WWOX: variants seen among roughly 807,000 people sequenced by gnomAD.
WWOX encodes WW domain-containing oxidoreductase.
WWOX carries 69 observed loss-of-function variants against 46.2 expected under a neutral mutation model. That is an observed-to-expected ratio of 1.49 (90% CI 1.23 to 1.82). The LOEUF is 1.82. Among genes scored for constraint, WWOX ranks in the 40% most tolerant of loss-of-function variants. The pLI, the probability that WWOX is intolerant of heterozygous loss-of-function variation, is 0.00. For missense variants in WWOX, 919 were observed against 542.6 expected, an observed-to-expected ratio of 1.69 and a Z score of -6.89; for synonymous variants, 359 against 202.6, an observed-to-expected ratio of 1.77 and a Z score of -6.56.
intron 6 of WWOX, among the ~76,000 whole-genome samples, chr16:78,411,431 A>C (rs945825195): frequency 1.3e-5 from 2 of 152,100 alleles, no homozygotes; most frequent in African/African-American, 4.8e-5. Context: ...AACAATTAGG[A>C]ATTTGACAGA....
intron 8 of WWOX, among the ~76,000 whole-genome samples, chr16:78,570,335 A>G (rs2044683652): frequency 6.6e-6 from 1 of 151,970 alleles, no homozygotes; most frequent in Non-Finnish European, 1.5e-5. Context: ...GCAACAATTT[A>G]TTTTTCTTTG....
chr16:78,393,825 A>G (rs1038875130), intron 6 of WWOX, among the ~76,000 whole-genome samples: 1 of 152,056 alleles, frequency 6.6e-6, no homozygotes, highest in Non-Finnish European at 1.5e-5. Flanking sequence ...TTAGAAGATA[A>G]TATAGAACAG....
intron 8 of WWOX, among the ~76,000 whole-genome samples, chr16:78,548,633 G>C (rs1292282691): frequency 6.6e-6 from 1 of 152,166 alleles, no homozygotes; most frequent in African/African-American, 2.4e-5. Context: ...AAATGATTTT[G>C]CCTTTCATGC....
chr16:78,588,850 G>T (rs774521829), intron 8 of WWOX, among the ~76,000 whole-genome samples: 70 of 152,186 alleles, frequency 4.6e-4, no homozygotes, highest in Non-Finnish European at 7.5e-4. Context: ...CAGGGTGGTG[G>T]TAGTGGTGAT....
intron 5 of WWOX, among the ~76,000 whole-genome samples, chr16:78,246,708 C>T (rs546920611): frequency 3.3e-4 from 51 of 152,298 alleles, no homozygotes; most frequent in African/African-American, 1.2e-3. Flanking sequence ...TTTCAACTTC[C>T]TCTTCTGAAG....
At chr16:78,435,532 C>G (rs1048755642) in intron 8 of WWOX, among the ~76,000 whole-genome samples, 1 of 152,194 alleles carries the variant, frequency 6.6e-6, no homozygotes, top group Admixed American at 6.5e-5. Flanking sequence ...GAGTGTGTAG[C>G]TCATGAGAGG....
At chr16:78,802,338 T>C (rs1275247169) in intron 8 of WWOX, among the ~76,000 whole-genome samples, 1 of 151,168 alleles carries the variant, frequency 6.6e-6, no homozygotes, top group Non-Finnish European at 1.5e-5. Context: ...GGAACATAAA[T>C]TGTTACAGAG....
intron 8 of WWOX, among the ~76,000 whole-genome samples, chr16:79,134,298 G>C (rs372853804): frequency 6.6e-6 from 1 of 152,094 alleles, no homozygotes; most frequent in African/African-American, 2.4e-5. Context: ...AGGCAGTAAA[G>C]GATTCACCAA....
At chr16:78,990,768 A>G (rs2046872166) in intron 8 of WWOX, among the ~76,000 whole-genome samples, 1 of 152,236 alleles carries the variant, frequency 6.6e-6, no homozygotes, top group South Asian at 2.1e-4. Flanking sequence ...AAGAGGGCAC[A>G]GTCAGACCTG....
At chr16:78,808,201 G>C (rs1273732723) in intron 8 of WWOX, among the ~76,000 whole-genome samples, 1 of 152,100 alleles carries the variant, frequency 6.6e-6, no homozygotes, top group Non-Finnish European at 1.5e-5. Flanking sequence ...TAACCCCTCT[G>C]AATATGCTCC....
At chr16:79,186,666 A>G (rs1054005534) in intron 8 of WWOX, among the ~76,000 whole-genome samples, 1 of 152,122 alleles carries the variant, frequency 6.6e-6, no homozygotes, top group Non-Finnish European at 1.5e-5. Flanking sequence ...GATTCAACCT[A>G]TAACAAGTAA....
At chr16:78,865,108 C>G (rs925095022) in intron 8 of WWOX, among the ~76,000 whole-genome samples, 4 of 151,914 alleles carry the variant, frequency 2.6e-5, no homozygotes, top group Admixed American at 6.6e-5. Context: ...TGTTAAACAC[C>G]CTTATTAACA....
chr16:78,178,874 A>AAG (rs1555549060), intron 5 of WWOX, among the ~76,000 whole-genome samples: 11 of 151,656 alleles, frequency 7.3e-5, no homozygotes, highest in South Asian at 2.1e-4. Flanking sequence ...AAAAAAAAAA[A>AAG]AAAAGTAATC....
intron 8 of WWOX, among the ~76,000 whole-genome samples, chr16:78,582,369 G>C (rs1033360799): frequency 6.6e-6 from 1 of 152,138 alleles, no homozygotes; most frequent in African/African-American, 2.4e-5. Flanking sequence ...CAAGAATGTG[G>C]CTTCAATGAG....
intron 8 of WWOX, among the ~76,000 whole-genome samples, chr16:79,056,925 A>T (rs940789948): frequency 6.6e-6 from 1 of 152,176 alleles, no homozygotes; most frequent in African/African-American, 2.4e-5. Context: ...AAAATTAAGG[A>T]GTGTATAGTC....
intron 8 of WWOX, among the ~76,000 whole-genome samples, chr16:78,697,632 C>G (rs1597459033): frequency 6.6e-6 from 1 of 152,128 alleles, no homozygotes; most frequent in Non-Finnish European, 1.5e-5. Context: ...ACACAAATGA[C>G]CACCATACGT....
At chr16:78,941,516 T>C (rs948646891) in intron 8 of WWOX, among the ~76,000 whole-genome samples, 33 of 151,900 alleles carry the variant, frequency 2.2e-4, no homozygotes, top group African/African-American at 7.5e-4. Context: ...CAGGAGTTCA[T>C]AGTAGTCCTG....
At chr16:78,531,307 T>C (rs1316053340) in intron 8 of WWOX, among the ~76,000 whole-genome samples, 2 of 152,190 alleles carry the variant, frequency 1.3e-5, no homozygotes, top group African/African-American at 4.8e-5. Flanking sequence ...TTAGTATTTA[T>C]TTCCTTTTTG....
At chr16:78,779,574 T>C (rs1240730275) in intron 8 of WWOX, among the ~76,000 whole-genome samples, 1 of 152,162 alleles carries the variant, frequency 6.6e-6, no homozygotes, top group African/African-American at 2.4e-5. Flanking sequence ...TGTTTAACCC[T>C]CACAAGTCTA....
Sources: gnomAD v4.1 joint callset for allele counts (sites outside exome capture counted in the v4.1 genomes callset) on GRCh38, gnomAD v4.1.1 for gene constraint, MANE v1.5 for transcripts, NCBI Gene and HGNC (gene_info 2026-07-23, HGNC 2026-07-21) for gene names.